TTN: variants seen among roughly 807,000 people sequenced by gnomAD.
The protein encoded by TTN is connectin.
A neutral mutation model predicts 3,223.0 loss-of-function variants in TTN; 1,525 were observed. That is an observed-to-expected ratio of 0.47 (90% CI 0.45 to 0.49). The LOEUF (loss-of-function observed/expected upper bound fraction) is 0.49, where lower values mean the gene tolerates loss of function less well. TTN is among the 20% of genes least tolerant of loss of function. The pLI is 0.00. For missense variants in TTN, 40,786 were observed against 43,424.0 expected (o/e 0.94, Z 5.40); for synonymous variants, 14,094 against 15,161.0 (o/e 0.93, Z 5.17).
chr2:178,610,180 C>A lies in TTN; in HGVS notation c.51346G>T (p.Glu17116Ter). ...ACTGCTTTAACACGGAAGAAGTATT[C>A]ACCATTTGGTATGAGATCCTTCACA... ...WTVKDLIPNG[E>*]YFFRVKAVNK... The change falls in exon 271 of 363, where the codon GAA becomes TAA. Residue 17116 changes from glutamate to a stop codon, truncating the protein, a stop_gained. Coordinates refer to ENST00000589042, the MANE Select transcript of TTN (RefSeq NM_001267550.2). LOFTEE classifies it high-confidence loss of function. The A allele has an allele frequency of 6.2e-7, 1 of 1,613,006 alleles. No individual in the cohort carries two copies. The highest frequency in any genetic ancestry group is 8.5e-7 in the Non-Finnish European group (1 of 1,179,312).
chr2:178,537,066 A>G lies in TTN; in HGVS notation c.100043T>C (p.Val33348Ala), dbSNP rs957996377. 3 of 1,613,048 alleles carry G rather than the reference A, an allele frequency of 1.9e-6. No homozygotes were observed. The highest frequency in any genetic ancestry group is 2.5e-6 in the Non-Finnish European group (3 of 1,179,520). Reference protein sequence around the residue: ...EWQLVSSAISVTTCRIVNLTE... With the variant: ...EWQLVSSAISATTCRIVNLTE... ...GAGGTTCACAATTCTACAGGTTGTC[A>G]CTGAGATGGCTGAAGACACCAATTG... Residue 33348 changes from valine (V) to alanine (A), a missense_variant, in exon 356 of 363, where the codon GTG becomes GCG. By Grantham distance (64) the Val-to-Ala change is moderately conservative. Coordinates refer to ENST00000589042, the MANE Select transcript of TTN (RefSeq NM_001267550.2).
rs374032491 is a variant in TTN, at chr2:178,631,187, C to T, written c.43861G>A (p.Asp14621Asn). ...TTGGATGGCTTTATTTCCTTCCCAT[C>T]CTTAAACCATTTCACTGGTGCATCT... ...KADAPVKWFK[D>N]GKEIKPSKNA... Residue 14621 changes from aspartate to asparagine, a missense_variant, in exon 237 of 363, where the codon GAT becomes AAT. Coordinates refer to ENST00000589042, the MANE Select transcript of TTN (RefSeq NM_001267550.2). 3.0e-5 allele frequency: 48 copies of T among 1,613,134 alleles called. No individual in the cohort carries two copies. Among genetic ancestry groups the T allele is most frequent in the Non-Finnish European group, 1.7e-6 (2 of 1,179,592 alleles).
rs745305661 is a variant in TTN at position 178,630,301 on chromosome 2, T to C, written c.44221A>G (p.Thr14741Ala). 1 of 1,613,194 alleles carries C rather than the reference T, an allele frequency of 6.2e-7. No individual in the cohort carries two copies. Among genetic ancestry groups the C allele is most frequent in the East Asian group, 2.2e-5 (1 of 44,714 alleles). ...GCAGCTTGGAAATCCACCCCACCCG[T>C]CTGGTCCAGGCGACAGTTGTGCAAA... ...LVLHNCRLDQ[T>A]GGVDFQAANV... The change falls in exon 239 of 363, where the codon ACG becomes GCG. Residue 14741 changes from threonine (T) to alanine (A), a missense_variant. By Grantham distance (58) the Thr-to-Ala change is moderately conservative (BLOSUM62 0). Transcript: ENST00000589042.
At position 178,608,227 on chromosome 2, in the gene TTN, A is replaced by G. The variant is rs371031259; in HGVS notation, c.52656T>C (p.Pro17552=). ...GATCTGAAGGTGGACTGAACTTTCC[A>G]GGTCCAGCTGCATTTTCAGCACATA... ...FRVCAENAAG[P]GKFSPPSDPK... is the part of the protein sequence containing the mutation. The change falls in exon 275 of 363, where the codon CCT becomes CCC. Residue 17552 remains proline (P), a synonymous_variant. Transcript: ENST00000589042. 3.4e-5 allele frequency: 55 copies of G among 1,605,972 alleles called. No individual in the cohort carries two copies. The African/African-American group carries it at 5.8e-4, about 17-fold the overall frequency.
intron 2 of TTN, among the ~76,000 whole-genome samples, chr2:178,803,236 T>A (rs930354961): frequency 2.0e-5 from 3 of 152,178 alleles, no homozygotes; most frequent in African/African-American, 7.2e-5. Flanking sequence ...TTTATTGGAC[T>A]GATTTATGGG....
In TTN at chr2:178,553,190, G is replaced by A. The variant is rs1222259013; in HGVS notation, c.89710C>T (p.Arg29904Cys). The change falls in exon 335 of 363, where the codon CGC (arginine) becomes TGC (cysteine). Residue 29904 changes from arginine to cysteine, a missense_variant. Physicochemically the swap from Arg to Cys is radical, Grantham distance 180 (BLOSUM62 -3). Transcript: ENST00000589042. ...SSLLTIPQVT[R>C]NDTGKYILTI... is the part of the protein sequence containing the mutation. ...AGAATATATTTTCCTGTATCATTGC[G>A]AGTAACTTGAGGAATGGTGAGTAAT... is the stretch of plus-strand genomic sequence containing the variant. 6 of 1,613,662 alleles carry A rather than the reference G, an allele frequency of 3.7e-6. No individual in the cohort carries two copies. The highest frequency in any genetic ancestry group is 1.1e-5 in the South Asian group (1 of 91,082).
chr2:178,543,471 C>T lies in TTN; in HGVS notation c.96502G>A (p.Gly32168Arg), dbSNP rs1381527063. Reference protein sequence around the residue: ...KCSKTLYRISGLVEGTMYYFR... With the variant: ...KCSKTLYRISRLVEGTMYYFR... The stretch of plus-strand genomic sequence containing the variant: ...TAGTACATGGTTCCTTCTACAAGTC[C>T]AGAAATTCTGTAAAGTGTCTTGCTG... The change falls in exon 347 of 363, where the codon GGA becomes AGA. Residue 32168 changes from glycine (G) to arginine (R), a missense_variant. Transcript: ENST00000589042. 2 of 1,613,616 alleles carry T rather than the reference C, an allele frequency of 1.2e-6. No individual in the cohort carries two copies. The highest frequency in any genetic ancestry group is 1.3e-5 in the African/African-American group (1 of 74,894).
In TTN at chr2:178,717,122, A is replaced by C; in HGVS notation, c.25612T>G (p.Ser8538Ala). 1 of 1,613,234 alleles carries C rather than the reference A, an allele frequency of 6.2e-7. No homozygotes were observed. The highest frequency in any genetic ancestry group is 8.5e-7 in the Non-Finnish European group (1 of 1,179,394). ...TGTACACCCAGCTGAGCAGAACAAGAGTCTTTTCCAGCGATGTTGCTTGCA... is the reference window on the plus strand; with the variant it reads ...TGTACACCCAGCTGAGCAGAACAAGCGTCTTTTCCAGCGATGTTGCTTGCA... ...CYASNIAGKD[S>A]CSAQLGVQEP... Residue 8538 changes from serine to alanine, a missense_variant, in exon 88 of 363, where the codon TCT (serine) becomes GCT (alanine). Physicochemically the swap from Ser to Ala is moderately conservative, Grantham distance 99 (BLOSUM62 1). Transcript: ENST00000589042.
intron 2 of TTN, among the ~76,000 whole-genome samples, 176 bp from the exon 3 acceptor site, chr2:178,802,517 T>C (rs1231883559): frequency 6.6e-6 from 1 of 152,142 alleles, no homozygotes; most frequent in Non-Finnish European, 1.5e-5. Context: ...CTGCAGACCA[T>C]TAGGAAGGCA....
intron 125 of TTN, 30 bp downstream of exon 125, chr2:178,689,023 T>G (rs2071626099): frequency 1.3e-6 from 2 of 1,530,052 alleles, no homozygotes; most frequent in Non-Finnish European, 1.8e-6. Flanking sequence ...TTTTTTTTTT[T>G]TTTTGTCAGA....
At chr2:178,802,411 T>G (rs920920988) in intron 2 of TTN, 70 bp from the exon 3 acceptor site, 59 of 1,526,340 alleles carry the variant, frequency 3.9e-5, no homozygotes, top group Non-Finnish European at 5.2e-5. Flanking sequence ...TGTCCCATCA[T>G]GTTCACTGCC....
At position 178,557,930 on chromosome 2, in the gene TTN, T is replaced by C. The variant is rs1196119784; in HGVS notation, c.87424A>G (p.Thr29142Ala). The part of the protein sequence containing the change: ...IVVLDRPGPP[T>A]GPVVISDITE... ...ATATCACTAATAACAACAGGGCCAG[T>C]TGGAGGACCAGGCCTGTCTAGCACA... Residue 29142 changes from threonine to alanine, a missense_variant, in exon 328 of 363, where the codon ACT (threonine) becomes GCT (alanine). Thr to Ala is a moderately conservative substitution (Grantham distance 58). Coordinates refer to ENST00000589042, the MANE Select transcript of TTN (RefSeq NM_001267550.2). 2.5e-6 allele frequency: 4 copies of C among 1,613,202 alleles called. No homozygotes were observed. The highest frequency in any genetic ancestry group is 2.2e-5 in the East Asian group (1 of 44,886).
rs1357419691 is a variant in TTN at position 178,573,031 on chromosome 2, T to G, written c.73101A>C (p.Glu24367Asp). 2 of 1,613,132 alleles carry G rather than the reference T, an allele frequency of 1.2e-6. No individual in the cohort carries two copies. Among genetic ancestry groups the G allele is most frequent in the South Asian group, 1.1e-5 (1 of 91,048 alleles). ...GTGGAGTGACAATCTGCCATTCATC[T>G]TCCTCTGGCAGGGCAATCTCAACCA... ...GYMVEIALPE[E>D]DEWQIVTPPA... Residue 24367 changes from glutamate (E) to aspartate (D), a missense_variant, in exon 326 of 363, where the codon GAA becomes GAC. Physicochemically the swap from Glu to Asp is conservative, Grantham distance 45. Coordinates refer to ENST00000589042, the MANE Select transcript of TTN (RefSeq NM_001267550.2).
Position 178,592,129 on chromosome 2 carries a change from T to C in TTN, c.59775A>G (p.Ser19925=). The C allele has an allele frequency of 1.2e-6, 2 of 1,612,880 alleles. No homozygotes were observed. The highest frequency in any genetic ancestry group is 1.7e-6 in the Non-Finnish European group (2 of 1,179,446). Residue 19925 remains serine, a synonymous_variant, in exon 302 of 363, where the codon TCA becomes TCG. Coordinates refer to ENST00000589042, the MANE Select transcript of TTN (RefSeq NM_001267550.2). ...TTTTCTTTGATGTAGCTGAGAGAGG[T>C]GACCACTGGGCGCTGGCAACATCTC... ...ERRDVASAQW[S]PLSATSKKKS... is the part of the protein sequence containing the mutation.
In TTN at chr2:178,586,548, C is replaced by T. The variant is rs1576014111; in HGVS notation, c.64353G>A (p.Leu21451=). 1 of 1,613,232 alleles carries T rather than the reference C, an allele frequency of 6.2e-7. No homozygotes were observed. The highest frequency in any genetic ancestry group is 8.5e-7 in the Non-Finnish European group (1 of 1,179,388). ...CATACACTCCTTCAGCTTCTCTTGG[C>T]AAACTGACTCCAACAGCATTTCTGG... ...VAARNAVGVS[L]PREAEGVYEA... Residue 21451 remains leucine, a synonymous_variant, in exon 308 of 363, where the codon TTG becomes TTA. Transcript: ENST00000589042.
At chr2:178,642,342 T>A (rs367757290) in intron 218 of TTN, 25 bp from the exon 219 acceptor site, 111 of 1,548,816 alleles carry the variant, frequency 7.2e-5, no homozygotes, top group Non-Finnish European at 9.6e-5. Context: ...ATTTCAAATT[T>A]TGAAGTGAAT....
chr2:178,717,949 T>C lies in TTN; in HGVS notation c.25057A>G (p.Ile8353Val). ...GAVASSAVLV[I>V]KARKLPPFFA... ...GGTTAAACAACACCATCACCTTTGATAACAAGCACAGCTGAAGAAGCGACT... is the reference window on the plus strand; with the variant it reads ...GGTTAAACAACACCATCACCTTTGACAACAAGCACAGCTGAAGAAGCGACT... The change falls in exon 86 of 363, where the codon ATC becomes GTC. Residue 8353 changes from isoleucine to valine, a missense_variant. Transcript: ENST00000589042. 1.2e-6 allele frequency: 2 copies of C among 1,610,968 alleles called. No individual in the cohort carries two copies. Among genetic ancestry groups the C allele is most frequent in the Admixed American group, 3.3e-5 (2 of 59,928 alleles).
In TTN at chr2:178,718,844, A is replaced by G. The variant is rs758744997; in HGVS notation, c.24356T>C (p.Val8119Ala). The change falls in exon 84 of 363, where the codon GTG (valine) becomes GCG (alanine). Residue 8119 changes from valine (V) to alanine (A), a missense_variant. Coordinates refer to ENST00000589042, the MANE Select transcript of TTN (RefSeq NM_001267550.2). ...VKWFKGSREL[V>A]PGESCNISLE... The stretch of plus-strand genomic sequence containing the variant: ...AGAGATGTTGCATGACTCCCCAGGC[A>G]CCAGTTCCCTGCTGCCTTTAAACCA... 7 of 1,613,582 alleles carry G rather than the reference A, an allele frequency of 4.3e-6. No individual in the cohort carries two copies. In the Admixed American group the frequency reaches 1.2e-4, roughly 27 times the overall value.
intron 284 of TTN, 23 bp from the exon 285 acceptor site, chr2:178,601,937 G>T (rs1281762102): frequency 2.5e-6 from 4 of 1,612,668 alleles, no homozygotes; most frequent in African/African-American, 2.7e-5. Context: ...GAGACAGTCA[G>T]TTGTAGTATA....
Sources: allele counts gnomAD v4.1 joint callset (sites outside exome capture counted in the v4.1 genomes callset), GRCh38; gene constraint gnomAD v4.1.1; transcripts MANE v1.5; gene names NCBI Gene and HGNC (gene_info 2026-07-23, HGNC 2026-07-21).